SYNGR4: variants seen among roughly 807,000 people sequenced by gnomAD.
SYNGR4 encodes the protein synaptogyrin 4.
Under a neutral mutation model 15.5 loss-of-function variants are expected in SYNGR4, and 15 were observed. The observed-to-expected ratio is 0.97, with a 90% CI of 0.65 to 1.49. SYNGR4 has a LOEUF of 1.49. Among genes scored for constraint, SYNGR4 ranks in the 40% most tolerant of loss-of-function variants. The pLI, the probability that SYNGR4 is intolerant of heterozygous loss-of-function variation, is 0.00. For synonymous variants in SYNGR4, 121 were observed against 127.4 expected (o/e 0.95, Z 0.34); for missense variants, 292 against 299.3 (o/e 0.98, Z 0.18).
chr19:48,365,941 G>A lies in SYNGR4; in HGVS notation c.93+6G>A. Reference sequence around the variant, plus strand: ...TCACGCGGGTCTTCGAAGGGGTGAGGCCCTCCCATGGCCCGACTGTGCCCC... The same window carrying A: ...TCACGCGGGTCTTCGAAGGGGTGAGACCCTCCCATGGCCCGACTGTGCCCC... On this transcript the variant is annotated splice_donor_region_variant and intron_variant, in intron 2 of 4. Coordinates refer to ENST00000344846, the MANE Select transcript of SYNGR4 (RefSeq NM_012451.4). 2 of 1,613,022 alleles carry A rather than the reference G, an allele frequency of 1.2e-6. No homozygotes were observed. The highest frequency in any genetic ancestry group is 1.7e-6 in the Non-Finnish European group (2 of 1,179,818).
chr19:48,366,026 A>T (rs1970215319), intron 2 of SYNGR4, 91 bp downstream of exon 2: 4 of 1,371,902 alleles, frequency 2.9e-6, no homozygotes, highest in Non-Finnish European at 4.1e-6. Context: ...TGGGAGGACA[A>T]GGAAGGGGTC....
chr19:48,368,241 A>G (rs1274971024), intron 2 of SYNGR4, among the ~76,000 whole-genome samples: 1 of 152,190 alleles, frequency 6.6e-6, no homozygotes, highest in Non-Finnish European at 1.5e-5. Context: ...TTCTCTGAAC[A>G]TCTCCTTACT....
intron 2 of SYNGR4, 87 bp from the exon 3 acceptor site, chr19:48,373,430 A>C: frequency 8.9e-7 from 1 of 1,128,106 alleles, no homozygotes; most frequent in African/African-American, 1.5e-5. Flanking sequence ...GTGACTGGGT[A>C]TACGGAAAGA....
intron 1 of SYNGR4, 25 bp from the exon 2 acceptor site, chr19:48,365,711 A>C: frequency 5.4e-6 from 3 of 560,618 alleles, no homozygotes; most frequent in South Asian, 2.7e-5. Context: ...CCTGACTGGC[A>C]TCCCCCATCT....
At chr19:48,367,485 T>C (rs1290555362) in intron 2 of SYNGR4, among the ~76,000 whole-genome samples, 1 of 149,978 alleles carries the variant, frequency 6.7e-6, no homozygotes, top group Non-Finnish European at 1.5e-5. Flanking sequence ...TGCCAGAGAG[T>C]TCTATTAGAC....
chr19:48,368,632 G>C (rs1424382600), intron 2 of SYNGR4, among the ~76,000 whole-genome samples: 1 of 152,006 alleles, frequency 6.6e-6, no homozygotes, highest in South Asian at 2.1e-4. Flanking sequence ...CACCCGCCTC[G>C]GCCTTCCAAA....
intron 4 of SYNGR4, 103 bp from the exon 5 acceptor site, chr19:48,375,982 C>G: frequency 6.3e-7 from 1 of 1,576,604 alleles, no homozygotes; most frequent in Non-Finnish European, 8.6e-7. Context: ...GCAGTCCAAA[C>G]ACCGGTATCT....
At chr19:48,366,093 C>T (rs1044222144) in intron 2 of SYNGR4, among the ~76,000 whole-genome samples, 158 bp downstream of exon 2, 2 of 152,158 alleles carry the variant, frequency 1.3e-5, no homozygotes, top group African/African-American at 4.8e-5. Flanking sequence ...CTGAGCACCC[C>T]ACTATAGGCC....
intron 2 of SYNGR4, among the ~76,000 whole-genome samples, chr19:48,369,146 C>A (rs1305235843): frequency 1.3e-5 from 2 of 151,138 alleles, no homozygotes; most frequent in Non-Finnish European, 2.9e-5. Flanking sequence ...CTCCTCCTTC[C>A]CCCCTGGCCT....
chr19:48,376,265 C>G lies in SYNGR4; in HGVS notation c.652C>G (p.Pro218Ala). The stretch of plus-strand genomic sequence containing the variant: ...GAGTTATGCTAGCTCTGCCCTGTCC[C>G]CCTGTCTGACCGCTCCAAAGTCCCC... ...SLSYASSALSPCLTAPKSPRL... is the reference protein window; with the variant it reads ...SLSYASSALSACLTAPKSPRL... Residue 218 changes from proline (P) to alanine (A), a missense_variant, in exon 5 of 5, where the codon CCC becomes GCC. Transcript: ENST00000344846. 6.2e-7 allele frequency: 1 copy of G among 1,613,622 alleles called. No individual in the cohort carries two copies. Among genetic ancestry groups the G allele is most frequent in the Non-Finnish European group, 8.5e-7 (1 of 1,179,896 alleles).
chr19:48,365,696 G>C (rs549207355), intron 1 of SYNGR4, 40 bp from the exon 2 acceptor site: 208 of 168,890 alleles, frequency 1.2e-3, no homozygotes, highest in South Asian at 3.0e-3. Context: ...CTTCCACCCC[G>C]TGCCCCTGAC....
chr19:48,365,649 C>CCCCCCCTGTCCCCCCA, intron 1 of SYNGR4, 87 bp from the exon 2 acceptor site: 2 of 275,358 alleles, frequency 7.3e-6, no homozygotes, highest in South Asian at 3.9e-5. Context: ...CCCCCATCCC[C>CCCCCCCTGTCCCCCCA]ACCCCATGTC....
At chr19:48,369,331 C>T (rs541656789) in intron 2 of SYNGR4, among the ~76,000 whole-genome samples, 10 of 152,258 alleles carry the variant, frequency 6.6e-5, no homozygotes, top group African/African-American at 2.4e-4. Flanking sequence ...CCAGATGAGC[C>T]CCTGCTCCTC....
At chr19:48,369,208 G>A (rs892054607) in intron 2 of SYNGR4, among the ~76,000 whole-genome samples, 3 of 146,804 alleles carry the variant, frequency 2.0e-5, no homozygotes, top group African/African-American at 7.4e-5. Flanking sequence ...CCTCGCTGCC[G>A]CCTGCCAGCT....
At chr19:48,374,712 A>C (rs1327887358) in intron 3 of SYNGR4, among the ~76,000 whole-genome samples, 1 of 152,158 alleles carries the variant, frequency 6.6e-6, no homozygotes, top group Non-Finnish European at 1.5e-5. Context: ...ACGGTGGCTC[A>C]CACCTGGAAT....
intron 2 of SYNGR4, among the ~76,000 whole-genome samples, chr19:48,371,745 T>G (rs1970311249): frequency 7.0e-6 from 1 of 142,286 alleles, no homozygotes; most frequent in East Asian, 2.0e-4. Context: ...ACTGAGCTAA[T>G]TTTTTTTTTT....
At chr19:48,367,459 T>C (rs964205994) in intron 2 of SYNGR4, among the ~76,000 whole-genome samples, 9 of 151,364 alleles carry the variant, frequency 5.9e-5, no homozygotes, top group Middle Eastern at 3.5e-3. Flanking sequence ...AGTGCAGATA[T>C]GGGACATTTT....
chr19:48,366,095 C>CT (rs1461530563), intron 2 of SYNGR4, among the ~76,000 whole-genome samples, 160 bp downstream of exon 2: 1 of 152,320 alleles, frequency 6.6e-6, no homozygotes, highest in Admixed American at 6.5e-5. Context: ...GAGCACCCCA[C>CT]TATAGGCCCT....
rs189098749 is a variant in SYNGR4, at chr19:48,365,441, C to A, written c.-107-295C>A. 1.3e-3 allele frequency among the ~76,000 whole-genome samples: 93 copies of A among 70,544 alleles called. 7 individuals are homozygous for A. Among genetic ancestry groups the A allele is most frequent in the African/African-American group, 1.8e-3 (38 of 20,826 alleles). The allele number at this position is 70,544 out of a possible 152,430, so 46.3% of individuals were successfully genotyped here. On this transcript the variant is annotated intron_variant, in intron 1 of 4. Coordinates refer to ENST00000344846, the MANE Select transcript of SYNGR4 (RefSeq NM_012451.4). ...ACAACCCCATTCCTGGGACCCCCAG[C>A]ACCCCCATCCTATGCCCCCCACTCC...
Sources: gnomAD v4.1 joint callset for allele counts (sites outside exome capture counted in the v4.1 genomes callset) on GRCh38, gnomAD v4.1.1 for gene constraint, MANE v1.5 for transcripts, NCBI Gene and HGNC (gene_info 2026-07-23, HGNC 2026-07-21) for gene names.